Variants in CLCN3 observed in about 807,000 individuals in gnomAD.
CLCN3 encodes the protein Cl-/H+ antiporter 3.
A neutral mutation model predicts 83.4 loss-of-function variants in CLCN3; 16 were observed. That is an observed-to-expected ratio of 0.19 (90% CI 0.13 to 0.29). CLCN3 has a LOEUF of 0.29. Ranked by LOEUF, CLCN3 falls within the 10% of genes least tolerant of loss-of-function variation. The pLI, the probability that CLCN3 is intolerant of heterozygous loss-of-function variation, is 1.00. For missense variants in CLCN3, 544 were observed against 1,006.0 expected (o/e 0.54, Z 6.21); for synonymous variants, 322 against 346.2 (o/e 0.93, Z 0.78).
intron 2 of CLCN3, among the ~76,000 whole-genome samples, chr4:169,666,182 AC>A (rs1731238250): frequency 6.6e-6 from 1 of 152,222 alleles, no homozygotes; most frequent in Admixed American, 6.5e-5. Context: ...GATTAAAAAA[AC>A]AAAATAAAAT....
intron 1 of CLCN3, among the ~76,000 whole-genome samples, chr4:169,630,025 G>GCTTA (rs1773330576): frequency 6.6e-6 from 1 of 152,278 alleles, no homozygotes; most frequent in East Asian, 1.9e-4. Flanking sequence ...TTTGTAAAGG[G>GCTTA]CTTAAGATAT....
intron 2 of CLCN3, among the ~76,000 whole-genome samples, chr4:169,671,443 G>T (rs546733131): frequency 6.6e-6 from 1 of 152,204 alleles, no homozygotes; most frequent in East Asian, 1.9e-4. Context: ...ACCGAGGCCT[G>T]TTGGAGGGTG....
intron 2 of CLCN3, among the ~76,000 whole-genome samples, chr4:169,654,707 C>T (rs574592666): frequency 1.9e-4 from 29 of 152,006 alleles, no homozygotes; most frequent in Admixed American, 3.3e-4. Flanking sequence ...CATCGCGGTC[C>T]GGGAATATGC....
intron 12 of CLCN3, among the ~76,000 whole-genome samples, chr4:169,716,695 A>ACCCATTTCTGTCATT (rs1733434536): frequency 1.3e-5 from 2 of 152,082 alleles, no homozygotes. Flanking sequence ...TGAGCAGAGA[A>ACCCATTTCTGTCATT]CCCATTTCTG....
chr4:169,699,010 G>A (rs1439290905), intron 9 of CLCN3, among the ~76,000 whole-genome samples: 3 of 152,128 alleles, frequency 2.0e-5, no homozygotes, highest in Admixed American at 1.3e-4. Flanking sequence ...TTAGGCCCAC[G>A]CAGATAAATC....
rs570285305 is a variant in CLCN3, at chr4:169,654,491, C to A, written c.160+18403C>A. On this transcript the variant is annotated intron_variant, in intron 2 of 12. Coordinates refer to ENST00000513761, the MANE Select transcript of CLCN3 (RefSeq NM_001829.4). Reference sequence around the variant, plus strand: ...GATGGTTAGCTCCTCAGTTAACTTGCCTTTAAGTGCATTTAAAGCTATAAA... The same window carrying A: ...GATGGTTAGCTCCTCAGTTAACTTGACTTTAAGTGCATTTAAAGCTATAAA... Among the ~76,000 whole-genome samples, 4 of 151,786 alleles carry A rather than the reference C, an allele frequency of 2.6e-5. No homozygotes were observed. The South Asian group carries it at 8.3e-4, about 32-fold the overall frequency.
intron 3 of CLCN3, 58 bp from the exon 4 acceptor site, chr4:169,687,600 A>G (rs1010364710): frequency 6.2e-6 from 7 of 1,134,884 alleles, no homozygotes; most frequent in African/African-American, 1.5e-5. Flanking sequence ...GCTAGATTCT[A>G]GAACTGTGGC....
Position 169,692,197 on chromosome 4 carries a change from G to C in CLCN3, c.813G>C (p.Leu271=). The change falls in exon 7 of 13, where the codon CTG becomes CTC. Residue 271 remains leucine, a synonymous_variant. Coordinates refer to ENST00000513761, the MANE Select transcript of CLCN3 (RefSeq NM_001829.4). The part of the protein sequence containing the change: ...TLMIKTITLV[L]AVASGLSLGK... ...TGATTAAAACCATCACATTAGTCCT[G>C]GCTGTGGCATCAGGTTTGAGTTTAG... 1 of 1,612,506 alleles carries C rather than the reference G, an allele frequency of 6.2e-7. No individual in the cohort carries two copies. Among genetic ancestry groups the C allele is most frequent in the Non-Finnish European group, 8.5e-7 (1 of 1,178,664 alleles).
intron 6 of CLCN3, 113 bp from the exon 7 acceptor site, chr4:169,692,001 A>G (rs2150250558): frequency 3.0e-6 from 2 of 665,406 alleles, no homozygotes; most frequent in East Asian, 2.7e-5. Flanking sequence ...TTTTCTGTAG[A>G]CTGCTAAAAT....
chr4:169,672,768 A>G (rs958872439), intron 2 of CLCN3, among the ~76,000 whole-genome samples: 39 of 152,172 alleles, frequency 2.6e-4, no homozygotes, highest in Admixed American at 7.9e-4. Context: ...CATTCAAGCG[A>G]TTCTCCTGCC....
intron 2 of CLCN3, among the ~76,000 whole-genome samples, chr4:169,677,306 A>G (rs1170492185): frequency 2.6e-5 from 4 of 152,178 alleles, no homozygotes; most frequent in African/African-American, 2.4e-5. Flanking sequence ...TTGGCAAACT[A>G]TGAGCCATGT....
intron 1 of CLCN3, among the ~76,000 whole-genome samples, chr4:169,624,020 G>A (rs1384713571): frequency 6.6e-6 from 1 of 152,320 alleles, no homozygotes; most frequent in East Asian, 1.9e-4. Flanking sequence ...AATTAGGTCA[G>A]TATAGCAAGG....
rs546626085 is a variant in CLCN3 at position 169,682,549 on chromosome 4, A to G, written c.318+2342A>G. ...GTTTATTATGCAACTCAAATAAATT[A>G]CGCAAGTGCTTTTCTTTAGGACATA... On this transcript the variant is annotated intron_variant, in intron 3 of 12. Transcript: ENST00000513761. Among the ~76,000 whole-genome samples the G allele has an allele frequency of 1.5e-4, 23 of 152,380 alleles. No homozygotes were observed. The East Asian group carries it at 3.9e-3, about 26-fold the overall frequency.
intron 1 of CLCN3, 52 bp downstream of exon 1, chr4:169,621,115 T>C: frequency 2.5e-6 from 1 of 393,942 alleles, no homozygotes; most frequent in Non-Finnish European, 4.5e-6. Flanking sequence ...TTCACAGATT[T>C]TGGGTCAACT....
At chr4:169,634,392 G>T (rs1278514980) in intron 1 of CLCN3, among the ~76,000 whole-genome samples, 2 of 152,136 alleles carry the variant, frequency 1.3e-5, no homozygotes, top group Non-Finnish European at 2.9e-5. Flanking sequence ...AAAATTAAAT[G>T]ATTCTTAAGC....
chr4:169,680,369 A>C (rs532083610), intron 3 of CLCN3, 162 bp downstream of exon 3: 1 of 587,374 alleles, frequency 1.7e-6, no homozygotes, highest in East Asian at 3.0e-5. Flanking sequence ...TCTATGTTTA[A>C]TTTTTTTAGT....
intron 2 of CLCN3, among the ~76,000 whole-genome samples, chr4:169,673,641 A>G (rs1731564530): frequency 6.6e-6 from 1 of 152,092 alleles, no homozygotes; most frequent in African/African-American, 2.4e-5. Flanking sequence ...AGGGCAATGT[A>G]GGAGGGAAAA....
intron 12 of CLCN3, among the ~76,000 whole-genome samples, chr4:169,715,157 GATTA>G (rs1733376636): frequency 2.0e-5 from 3 of 152,054 alleles, no homozygotes; most frequent in Admixed American, 2.0e-4. Flanking sequence ...AACTGTTAGG[GATTA>G]ATTTTCATAT....
intron 5 of CLCN3, 86 bp downstream of exon 5, chr4:169,689,316 TTA>T: frequency 8.8e-7 from 1 of 1,133,668 alleles, no homozygotes; most frequent in Non-Finnish European, 1.3e-6. Context: ...TAATCACATA[TTA>T]GATGATTACA....
Sources: allele counts gnomAD v4.1 joint callset (sites outside exome capture counted in the v4.1 genomes callset), GRCh38; gene constraint gnomAD v4.1.1; transcripts MANE v1.5; gene names NCBI Gene and HGNC (gene_info 2026-07-23, HGNC 2026-07-21).